ITPR1: variants seen among roughly 807,000 people sequenced by gnomAD.
The protein encoded by ITPR1 is inositol 1,4,5-trisphosphate receptor type 1, also known as inositol 1,4,5-trisphosphate-gated calcium channel ITPR1.
Under a neutral mutation model 318.4 loss-of-function variants are expected in ITPR1, and 96 were observed. That is an observed-to-expected ratio of 0.30 (90% CI 0.26 to 0.36). The LOEUF (loss-of-function observed/expected upper bound fraction) is 0.36, where lower values mean the gene tolerates loss of function less well. Ranked by LOEUF, ITPR1 falls within the 10% of genes least tolerant of loss-of-function variation. ITPR1 has a pLI of 1.00. For synonymous variants in ITPR1, 1,312 were observed against 1,289.9 expected, an observed-to-expected ratio of 1.02 and a Z score of -0.37; for missense variants, 2,440 against 3,460.2, an observed-to-expected ratio of 0.71 and a Z score of 7.40.
chr3:4,730,360 T>C (rs1458110103), intron 42 of ITPR1, among the ~76,000 whole-genome samples: 2 of 146,470 alleles, frequency 1.4e-5, no homozygotes, highest in Non-Finnish European at 3.0e-5. Context: ...AAAAAAAGTT[T>C]GTTGGGTGGA....
chr3:4,547,606 G>A (rs1313680960), intron 4 of ITPR1, among the ~76,000 whole-genome samples: 3 of 152,192 alleles, frequency 2.0e-5, no homozygotes, highest in East Asian at 3.8e-4. Context: ...TTTATTACAC[G>A]CTAATACCTT....
chr3:4,719,833 G>A (rs1271318118), intron 40 of ITPR1, among the ~76,000 whole-genome samples: 1 of 151,996 alleles, frequency 6.6e-6, no homozygotes, highest in Non-Finnish European at 1.5e-5. Context: ...GAAGAGGAGG[G>A]GTTGTTTGTT....
At chr3:4,717,315 A>C in intron 39 of ITPR1, 52 bp from the exon 40 acceptor site, 106 of 1,359,496 alleles carry the variant, frequency 7.8e-5, no homozygotes, top group Non-Finnish European at 1.1e-4. Flanking sequence ...GCTGGCTTGT[A>C]TTTCCTTTCC....
intron 30 of ITPR1, among the ~76,000 whole-genome samples, chr3:4,686,623 G>T (rs115212884): frequency 6.6e-6 from 1 of 152,220 alleles, no homozygotes; most frequent in Non-Finnish European, 1.5e-5. Flanking sequence ...TCATGTGTGT[G>T]TATATCTGTG....
At chr3:4,600,996 A>G (rs1033947100) in intron 4 of ITPR1, among the ~76,000 whole-genome samples, 1 of 152,044 alleles carries the variant, frequency 6.6e-6, no homozygotes, top group Admixed American at 6.6e-5. Flanking sequence ...CAGAAAGTAA[A>G]TATTTTCTGA....
chr3:4,506,632 C>T (rs2081414516), intron 2 of ITPR1, among the ~76,000 whole-genome samples: 1 of 152,158 alleles, frequency 6.6e-6, no homozygotes. Flanking sequence ...TTGCTTTGAT[C>T]TGTATCCCCA....
chr3:4,642,297 C>T (rs761047270), intron 7 of ITPR1, 46 bp downstream of exon 7: 3 of 1,418,662 alleles, frequency 2.1e-6, no homozygotes, highest in South Asian at 3.3e-5. Context: ...GCCATGCTTC[C>T]AAGCATGACT....
chr3:4,633,143 G>T (rs941658623), intron 5 of ITPR1, among the ~76,000 whole-genome samples: 2 of 151,880 alleles, frequency 1.3e-5, no homozygotes, highest in African/African-American at 4.8e-5. Context: ...TCACCATTTT[G>T]GCCAGGATGG....
chr3:4,673,995 C>G (rs1000383019), intron 21 of ITPR1, among the ~76,000 whole-genome samples: 5 of 152,102 alleles, frequency 3.3e-5, no homozygotes, highest in African/African-American at 1.2e-4. Flanking sequence ...AAAGCAATCT[C>G]TATGCTAGTT....
At chr3:4,614,335 T>C (rs2092297717) in intron 4 of ITPR1, among the ~76,000 whole-genome samples, 1 of 152,246 alleles carries the variant, frequency 6.6e-6, no homozygotes, top group Admixed American at 6.5e-5. Flanking sequence ...TTCATTGCAG[T>C]GTGGTCTTCC....
chr3:4,670,957 G>T, intron 20 of ITPR1, 31 bp downstream of exon 20: 1 of 1,464,586 alleles, frequency 6.8e-7, no homozygotes. Flanking sequence ...GCTCAGATTG[G>T]GGTGCCCCAA....
chr3:4,833,269 T>C (rs927110336), intron 60 of ITPR1, among the ~76,000 whole-genome samples: 4 of 152,204 alleles, frequency 2.6e-5, no homozygotes, highest in African/African-American at 9.6e-5. Context: ...TCTGTAGTCA[T>C]TTGGTCACTT....
At chr3:4,833,990 C>T (rs1014259311) in intron 60 of ITPR1, among the ~76,000 whole-genome samples, 9 of 152,192 alleles carry the variant, frequency 5.9e-5, no homozygotes, top group African/African-American at 2.2e-4. Context: ...CTCCTGGGCT[C>T]AAACGATCCT....
chr3:4,659,035 A>G (rs1247599781), intron 13 of ITPR1, among the ~76,000 whole-genome samples: 3 of 152,216 alleles, frequency 2.0e-5, no homozygotes, highest in Non-Finnish European at 4.4e-5. Context: ...GCAACATATC[A>G]TAAGTCAGTG....
Position 4,811,458 on chromosome 3 carries a change from C to G in ITPR1, c.7466C>G (p.Pro2489Arg), listed in dbSNP as rs1176906568. 1.2e-6 allele frequency: 2 copies of G among 1,612,868 alleles called. No individual in the cohort carries two copies. The highest frequency in any genetic ancestry group is 2.2e-5 in the East Asian group (1 of 44,872). The change falls in exon 56 of 62, where the codon CCA (proline) becomes CGA (arginine). Residue 2489 changes from proline (P) to arginine (R), a missense_variant and splice_region_variant. Pro to Arg is a moderately radical substitution (Grantham distance 103, BLOSUM62 -2). Around this residue, in one of 23 missense-constraint regions of ITPR1, gnomAD observed 88 missense variants for 90.5 expected, o/e 0.97. Transcript: ENST00000649015. ...VDRLPNETAVPETGESLASEF... is the reference protein window; with the variant it reads ...VDRLPNETAVRETGESLASEF... ...AGGCTGCCCAATGAAACAGCTGTTCCAGGTGGGTTTGGGATCTTCTGATCT... is the reference window on the plus strand; with the variant it reads ...AGGCTGCCCAATGAAACAGCTGTTCGAGGTGGGTTTGGGATCTTCTGATCT...
chr3:4,786,762 G>A (rs1332793982), intron 51 of ITPR1, among the ~76,000 whole-genome samples: 3 of 152,196 alleles, frequency 2.0e-5, no homozygotes, highest in African/African-American at 7.2e-5. Flanking sequence ...GTCCACCCCT[G>A]GGGCCCAAAC....
At chr3:4,632,017 G>A (rs569414294) in intron 5 of ITPR1, among the ~76,000 whole-genome samples, 29 of 152,316 alleles carry the variant, frequency 1.9e-4, no homozygotes, top group Non-Finnish European at 2.8e-4. Flanking sequence ...ATAAATGATG[G>A]TTCATCCTTG....
chr3:4,532,226 G>C (rs936466611), intron 4 of ITPR1, among the ~76,000 whole-genome samples: 2 of 152,196 alleles, frequency 1.3e-5, no homozygotes, highest in Non-Finnish European at 2.9e-5. Context: ...AATGTTTGTG[G>C]AATGAATGAA....
In ITPR1 at chr3:4,681,330, C is replaced by T. The variant is rs1272619260; in HGVS notation, c.3107-34C>T. On this transcript the variant is annotated intron_variant, in intron 25 of 61. Transcript: ENST00000649015. The stretch of plus-strand genomic sequence containing the variant: ...CACCAGCAGCATGTTTGCAGACCTT[C>T]CTGCATCTGAAGTGGTATGTTCTAA... 9 of 1,528,266 alleles carry T rather than the reference C, an allele frequency of 5.9e-6. No individual in the cohort carries two copies. The Middle Eastern group carries it at 5.1e-4, about 86-fold the overall frequency. The allele number at this position is 1,528,266 out of a possible 1,614,324, so 94.7% of individuals were successfully genotyped here.
Sources: gnomAD v4.1 joint callset for allele counts (sites outside exome capture counted in the v4.1 genomes callset) on GRCh38, gnomAD v4.1.1 for gene constraint, gnomAD v4.1.1 regional missense constraint, MANE v1.5 for transcripts, NCBI Gene and HGNC (gene_info 2026-07-23, HGNC 2026-07-21) for gene names.